Variants in PRKAG2 observed in about 807,000 individuals in gnomAD.
The protein encoded by PRKAG2 is 5'-AMP-activated protein kinase subunit gamma-2.
Under a neutral mutation model 69.6 loss-of-function variants are expected in PRKAG2, and 26 were observed. That is an observed-to-expected ratio of 0.37 (90% CI 0.27 to 0.52). PRKAG2 has a LOEUF of 0.52. Ranked by LOEUF, PRKAG2 falls within the 20% of genes least tolerant of loss-of-function variation. The pLI, the probability that PRKAG2 is intolerant of heterozygous loss-of-function variation, is 0.90. For synonymous variants in PRKAG2, 293 were observed against 285.0 expected, an observed-to-expected ratio of 1.03 and a Z score of -0.28; for missense variants, 557 against 740.0, an observed-to-expected ratio of 0.75 and a Z score of 2.87.
At chr7:151,680,593 T>G (rs1833730860) in intron 3 of PRKAG2, among the ~76,000 whole-genome samples, 1 of 152,204 alleles carries the variant, frequency 6.6e-6, no homozygotes, top group Non-Finnish European at 1.5e-5. Context: ...CAGGGAGGAC[T>G]TTCATCATAT....
intron 5 of PRKAG2, among the ~76,000 whole-genome samples, chr7:151,610,896 C>A (rs766029974): frequency 6.6e-6 from 1 of 151,418 alleles, no homozygotes; most frequent in Non-Finnish European, 1.5e-5. Flanking sequence ...GGATTTCAGG[C>A]GCCCACCCCC....
At chr7:151,832,597 G>GGGC (rs1167533729) in intron 1 of PRKAG2, among the ~76,000 whole-genome samples, 2 of 150,818 alleles carry the variant, frequency 1.3e-5, no homozygotes, top group African/African-American at 2.5e-5. Context: ...GGCATCTCTG[G>GGGC]GGGGGGGGTC....
At chr7:151,672,350 C>T (rs1832193251) in intron 4 of PRKAG2, among the ~76,000 whole-genome samples, 1 of 152,130 alleles carries the variant, frequency 6.6e-6, no homozygotes, top group African/African-American at 2.4e-5. Flanking sequence ...CCACTTCGGC[C>T]TCCCAAAGTG....
chr7:151,663,812 G>T (rs1194129600), intron 4 of PRKAG2, among the ~76,000 whole-genome samples: 2 of 152,164 alleles, frequency 1.3e-5, no homozygotes, highest in Non-Finnish European at 2.9e-5. Context: ...GACTCAATCT[G>T]CCCCTTTGCA....
At chr7:151,645,061 G>C (rs1435942917) in intron 4 of PRKAG2, among the ~76,000 whole-genome samples, 2 of 152,154 alleles carry the variant, frequency 1.3e-5, no homozygotes, top group East Asian at 1.9e-4. Context: ...AGCAGACTCT[G>C]AGATGGCCCC....
intron 1 of PRKAG2, among the ~76,000 whole-genome samples, chr7:151,800,313 A>C (rs373236774): frequency 1.3e-5 from 2 of 149,332 alleles, no homozygotes; most frequent in Non-Finnish European, 1.5e-5. Flanking sequence ...AGCTGAGATC[A>C]CGCCACTGCA....
chr7:151,633,219 T>C (rs1256378740), intron 4 of PRKAG2: 1 of 152,040 alleles, frequency 6.6e-6, no homozygotes, highest in African/African-American at 2.4e-5. Flanking sequence ...CCCTAAGTCT[T>C]AAACCTCTTA....
intron 3 of PRKAG2, among the ~76,000 whole-genome samples, chr7:151,709,070 CGT>C (rs1172494744): frequency 2.0e-5 from 3 of 152,022 alleles, no homozygotes; most frequent in Non-Finnish European, 2.9e-5. Flanking sequence ...CATTGAGTGA[CGT>C]GTGTGACACT....
rs956951163 is a variant in PRKAG2 at position 151,814,311 on chromosome 7, G to A, written c.115-27770C>T. 1.0e-5 allele frequency: 8 copies of A among 799,778 alleles called. No homozygotes were observed. Among genetic ancestry groups the A allele is most frequent in the Non-Finnish European group, 9.7e-6 (6 of 620,016 alleles). The allele number at this position is 799,778 out of a possible 1,614,324, so 49.5% of individuals were successfully genotyped here. A position where few individuals can be genotyped will look rare whatever the true frequency, so the allele number is the denominator to read the frequency against. Reference sequence around the variant, plus strand: ...AGAACAAAGCCACAATTCAGCATCAGTCTTACACACCAAGGAGACAAAGCA... The same window carrying A: ...AGAACAAAGCCACAATTCAGCATCAATCTTACACACCAAGGAGACAAAGCA... On this transcript the variant is annotated intron_variant, in intron 1 of 15. Transcript: ENST00000287878. The surrounding 1 kb of genome is among the most constrained non-coding windows in gnomAD (Gnocchi z 4.8).
intron 5 of PRKAG2, among the ~76,000 whole-genome samples, chr7:151,618,601 C>T (rs557172423): frequency 3.4e-4 from 52 of 151,876 alleles, no homozygotes; most frequent in African/African-American, 1.2e-3. Flanking sequence ...CCCGTCTCTA[C>T]TAAAAATACA....
Position 151,699,183 on chromosome 7 carries a change from C to T in PRKAG2, c.467-23546G>A, listed in dbSNP as rs1449930733. 6.6e-6 allele frequency among the ~76,000 whole-genome samples: 1 copy of T among 152,216 alleles called. No individual in the cohort carries two copies. The highest frequency in any genetic ancestry group is 1.5e-5 in the Non-Finnish European group (1 of 68,034). ...TGCCCCAAGTTGTGTCTCTTTGACA[C>T]CTGGGATGTAAGCTGTGAAAGCTAA... On this transcript the variant is annotated intron_variant, in intron 3 of 15. Transcript: ENST00000287878. The surrounding 1 kb of genome is among the most constrained non-coding windows in gnomAD (Gnocchi z 4.5).
chr7:151,817,379 AC>A (rs910400051), intron 1 of PRKAG2, among the ~76,000 whole-genome samples: 4 of 152,136 alleles, frequency 2.6e-5, no homozygotes, highest in Admixed American at 2.0e-4. Context: ...TACTCTTAGC[AC>A]CCTCACCAGA....
intron 4 of PRKAG2, among the ~76,000 whole-genome samples, chr7:151,653,698 C>T (rs1828919049): frequency 6.6e-6 from 1 of 152,066 alleles, no homozygotes; most frequent in African/African-American, 2.4e-5. Context: ...AAAAATTAGC[C>T]AAGCATGGTG....
At chr7:151,823,056 G>A (rs1357313137) in intron 1 of PRKAG2, among the ~76,000 whole-genome samples, 4 of 118,356 alleles carry the variant, frequency 3.4e-5, no homozygotes, top group South Asian at 3.0e-4. Context: ...AGCGGAAAAC[G>A]CAAGCTCAAC....
intron 5 of PRKAG2, among the ~76,000 whole-genome samples, chr7:151,620,008 G>A (rs760357175): frequency 2.0e-5 from 3 of 152,080 alleles, no homozygotes; most frequent in African/African-American, 4.8e-5. Context: ...GTGACAGAGC[G>A]AGACTCCGTC....
At chr7:151,685,925 A>T (rs1177191366) in intron 3 of PRKAG2, among the ~76,000 whole-genome samples, 1 of 152,086 alleles carries the variant, frequency 6.6e-6, no homozygotes, top group Non-Finnish European at 1.5e-5. Flanking sequence ...ACTTTTTGCA[A>T]ATGTCTTGAA....
chr7:151,640,793 T>A (rs948027118), intron 4 of PRKAG2, among the ~76,000 whole-genome samples: 1 of 152,220 alleles, frequency 6.6e-6, no homozygotes, highest in African/African-American at 2.4e-5. Context: ...TTCTGTTTCC[T>A]CTGAGTCCCA....
rs2078952760 is a variant in PRKAG2 at position 151,828,307 on chromosome 7, C to T, written c.115-41766G>A. ...CTGTAATGGATATCAAATCCTAGCCCAACAAGGGGTGACGGCAGGACTCTC... is the reference window on the plus strand; with the variant it reads ...CTGTAATGGATATCAAATCCTAGCCTAACAAGGGGTGACGGCAGGACTCTC... On this transcript the variant is annotated intron_variant, in intron 1 of 15. Transcript: ENST00000287878. This position sits in a 1 kb window ranked among gnomAD's most constrained non-coding sequence, Gnocchi z 4.6. Among the ~76,000 whole-genome samples the T allele has an allele frequency of 6.6e-6, 1 of 152,170 alleles. No homozygotes were observed. Among genetic ancestry groups the T allele is most frequent in the Admixed American group, 6.5e-5 (1 of 15,278 alleles).
rs563477318 is a variant in PRKAG2 at position 151,771,711 on chromosome 7, G to A, written c.466+9441C>T. ...TCATCATCTCCTTCTGGTCTAGCAC[G>A]TGTTTTTCACGTTTATATTGTTGTT... On this transcript the variant is annotated intron_variant, in intron 3 of 15. Transcript: ENST00000287878. The surrounding 1 kb of genome is among the most constrained non-coding windows in gnomAD (Gnocchi z 4.0). 2.6e-5 allele frequency among the ~76,000 whole-genome samples: 4 copies of A among 152,262 alleles called. No homozygotes were observed. Among genetic ancestry groups the A allele is most frequent in the South Asian group, 2.1e-4 (1 of 4,822 alleles).
Sources: allele counts gnomAD v4.1 joint callset (sites outside exome capture counted in the v4.1 genomes callset), GRCh38; gene constraint gnomAD v4.1.1; non-coding constraint Gnocchi (gnomAD v3.1); transcripts MANE v1.5; gene names NCBI Gene and HGNC (gene_info 2026-07-23, HGNC 2026-07-21).